Variants in SHISA9 observed in about 807,000 individuals in gnomAD.
SHISA9 encodes shisa family member 9.
In SHISA9, 13 loss-of-function variants were observed where a neutral mutation model predicts 38.0. The ratio of observed to expected loss-of-function variants is 0.34; its 90% CI spans 0.22 to 0.54. The LOEUF is 0.54. Among genes scored for constraint, SHISA9 ranks in the 20% least tolerant of loss-of-function variants. The pLI is 0.91. For missense variants in SHISA9, 538 were observed against 575.8 expected (o/e 0.93, Z 0.67); for synonymous variants, 275 against 242.0 (o/e 1.14, Z -1.27).
At chr16:13,364,712 C>T in the SHISA9 span, among the ~76,000 whole-genome samples, 1 of 152,154 alleles carries the variant, frequency 6.6e-6, no homozygotes, top group African/African-American at 2.4e-5. Context: ...TAAAGAAGTG[C>T]GCTCTTTGAA....
chr16:12,950,115 C>A (rs1338445025), intron 2 of SHISA9, among the ~76,000 whole-genome samples: 1 of 152,146 alleles, frequency 6.6e-6, no homozygotes, highest in Admixed American at 6.6e-5. Flanking sequence ...TGAGAACGTG[C>A]AATAATTTGT....
the SHISA9 span, among the ~76,000 whole-genome samples, chr16:13,269,099 G>T: frequency 6.6e-6 from 1 of 152,184 alleles, no homozygotes; most frequent in African/African-American, 2.4e-5. Flanking sequence ...GTTCTGTTCA[G>T]GAAGAGAAGT....
chr16:13,011,977 C>A (rs576150015), intron 2 of SHISA9, among the ~76,000 whole-genome samples: 1 of 152,112 alleles, frequency 6.6e-6, no homozygotes, highest in South Asian at 2.1e-4. Context: ...AGGCATGAGC[C>A]GCCACACCCA....
At chr16:13,373,592 C>G in the SHISA9 span, among the ~76,000 whole-genome samples, 1 of 152,060 alleles carries the variant, frequency 6.6e-6, no homozygotes, top group African/African-American at 2.4e-5. Context: ...GAAACTCCAT[C>G]TCTACTAAAA....
intron 2 of SHISA9, among the ~76,000 whole-genome samples, chr16:13,047,564 T>C (rs1283262945): frequency 6.6e-6 from 1 of 152,148 alleles, no homozygotes; most frequent in Non-Finnish European, 1.5e-5. Context: ...TTTTTGATGG[T>C]TGCTTTCGGG....
intron 2 of SHISA9, among the ~76,000 whole-genome samples, chr16:13,108,615 A>G (rs1039248673): frequency 2.0e-5 from 3 of 152,140 alleles, no homozygotes; most frequent in African/African-American, 7.2e-5. Context: ...AAGACACATG[A>G]GACTGCATGC....
intron 2 of SHISA9, among the ~76,000 whole-genome samples, chr16:12,929,105 G>C (rs2071431094): frequency 6.6e-6 from 1 of 152,188 alleles, no homozygotes; most frequent in Non-Finnish European, 1.5e-5. Context: ...TCTCATGTCA[G>C]TCAGGATGGC....
chr16:13,354,229 G>A, the SHISA9 span, among the ~76,000 whole-genome samples: 1 of 121,304 alleles, frequency 8.2e-6, no homozygotes, highest in African/African-American at 3.1e-5. Context: ...CGATGGAAAG[G>A]AAATGAGAGG....
intron 2 of SHISA9, among the ~76,000 whole-genome samples, chr16:13,019,788 CTTT>C (rs1567183805): frequency 7.6e-5 from 10 of 131,628 alleles, no homozygotes; most frequent in Non-Finnish European, 1.3e-4. Flanking sequence ...TTCTTTCTTT[CTTT>C]CTTTCTTTCT....
At chr16:13,112,431 G>C (rs2073988125) in intron 2 of SHISA9, among the ~76,000 whole-genome samples, 1 of 152,052 alleles carries the variant, frequency 6.6e-6, no homozygotes. Context: ...CAGCCACACT[G>C]TTGGAGTATA....
At chr16:13,479,120 AT>A in the SHISA9 span, among the ~76,000 whole-genome samples, 4 of 152,116 alleles carry the variant, frequency 2.6e-5, no homozygotes, top group African/African-American at 9.7e-5. Flanking sequence ...AGCTGCTTAT[AT>A]TCCTCGGCTT....
intron 2 of SHISA9, among the ~76,000 whole-genome samples, chr16:12,974,161 T>C (rs1014795242): frequency 1.3e-5 from 2 of 152,130 alleles, no homozygotes; most frequent in African/African-American, 4.8e-5. Flanking sequence ...AATGAAGTCC[T>C]ATCTAGCGTC....
chr16:12,915,127 C>A (rs561113964), intron 1 of SHISA9, among the ~76,000 whole-genome samples: 23 of 152,218 alleles, frequency 1.5e-4, no homozygotes, highest in Admixed American at 1.2e-3. Context: ...TGGGTTTGCA[C>A]CCTGGAGAAC....
Position 13,007,054 on chromosome 16 carries a change from A to G in SHISA9, c.691+90239A>G, listed in dbSNP as rs567999871. ...ATTCACTTGTTAAATGAATAATTCC[A>G]TAGATATCTATGGATTCTATTCATG... On this transcript the variant is annotated intron_variant, in intron 2 of 4. Transcript: ENST00000558583. Among the ~76,000 whole-genome samples the G allele has an allele frequency of 6.6e-5, 10 of 152,324 alleles. No individual in the cohort carries two copies. The South Asian group carries it at 2.1e-3, about 32-fold the overall frequency.
the SHISA9 span, among the ~76,000 whole-genome samples, chr16:13,490,572 C>G: frequency 6.6e-6 from 1 of 152,154 alleles, no homozygotes; most frequent in Non-Finnish European, 1.5e-5. Flanking sequence ...CTCAAACATA[C>G]ATAAAGCAAA....
At chr16:13,098,010 T>C (rs987328172) in intron 2 of SHISA9, among the ~76,000 whole-genome samples, 3 of 152,210 alleles carry the variant, frequency 2.0e-5, no homozygotes, top group Non-Finnish European at 4.4e-5. Flanking sequence ...TGTCGGGTGC[T>C]TTATGTATGC....
chr16:13,507,125 A>G, the SHISA9 span, among the ~76,000 whole-genome samples: 2 of 152,162 alleles, frequency 1.3e-5, no homozygotes, highest in East Asian at 3.9e-4. Context: ...TCACACTTAC[A>G]TTTCAGGCAA....
At chr16:13,473,623 A>G in the SHISA9 span, among the ~76,000 whole-genome samples, 646 of 152,062 alleles carry the variant, frequency 4.2e-3, 2 homozygotes, top group African/African-American at 0.014. Context: ...TAAGCTGTCA[A>G]CTGTCTAATG....
rs1393501329 is a variant in SHISA9 at position 13,235,411 on chromosome 16, C to G, written c.*2C>G. The G allele has an allele frequency of 2.0e-6, 3 of 1,534,174 alleles. No individual in the cohort carries two copies. In the Admixed American group the frequency reaches 5.9e-5, roughly 30 times the overall value. ...AGCAAAACAGAAGTGACTGTCTGAG[C>G]TTTCACCACAGGGAGCACCCTGGAG... On this transcript the variant is annotated 3_prime_UTR_variant, in exon 5 of 5. Coordinates refer to ENST00000558583, the MANE Select transcript of SHISA9 (RefSeq NM_001145204.3).
Sources: gnomAD v4.1 joint callset for allele counts (sites outside exome capture counted in the v4.1 genomes callset) on GRCh38, gnomAD v4.1.1 for gene constraint, MANE v1.5 for transcripts, NCBI Gene and HGNC (gene_info 2026-07-23, HGNC 2026-07-21) for gene names.